Variants in EYS observed in about 807,000 individuals in gnomAD.
EYS encodes the protein protein eyes shut homolog.
Under a neutral mutation model 282.1 loss-of-function variants are expected in EYS, and 250 were observed. That is an observed-to-expected ratio of 0.89 (90% CI 0.80 to 0.98). The LOEUF is 0.98. EYS is among the 50% of genes least tolerant of loss of function. EYS has a pLI of 0.00. For synonymous variants in EYS, 1,355 were observed against 1,282.9 expected (o/e 1.06, Z -1.20); for missense variants, 4,016 against 3,709.0 (o/e 1.08, Z -2.15).
chr6:65,135,384 T>C (rs1775994530), intron 12 of EYS, among the ~76,000 whole-genome samples: 1 of 152,044 alleles, frequency 6.6e-6, no homozygotes, highest in Admixed American at 6.6e-5. Context: ...TTTTTTTCAT[T>C]CTACCTCTTA....
At chr6:65,179,118 TA>T (rs1765304840) in intron 12 of EYS, among the ~76,000 whole-genome samples, 1 of 152,028 alleles carries the variant, frequency 6.6e-6, no homozygotes, top group Admixed American at 6.6e-5. Flanking sequence ...AGGAAAGATC[TA>T]AAATTGACAC....
intron 1 of EYS, among the ~76,000 whole-genome samples, chr6:65,688,412 C>T (rs1769111131): frequency 6.6e-6 from 1 of 152,278 alleles, no homozygotes; most frequent in South Asian, 2.1e-4. Context: ...CCCTTCCTTA[C>T]ACCTTATACA....
intron 12 of EYS, among the ~76,000 whole-genome samples, chr6:65,156,089 GGGA>G (rs1376218237): frequency 6.6e-6 from 1 of 151,278 alleles, no homozygotes; most frequent in Non-Finnish European, 1.5e-5. Context: ...CAATGGTGAA[GGGA>G]GGAAGGAGAG....
intron 12 of EYS, chr6:65,295,621 C>T (rs1308596255): frequency 4.0e-6 from 2 of 497,834 alleles, no homozygotes; most frequent in Non-Finnish European, 7.1e-6. Flanking sequence ...ATTCCCAATG[C>T]TTCAGCCTGA....
chr6:64,973,925 G>A (rs1368783630), intron 14 of EYS, among the ~76,000 whole-genome samples: 1 of 151,770 alleles, frequency 6.6e-6, no homozygotes, highest in Non-Finnish European at 1.5e-5. Context: ...AAAATATACA[G>A]AAAGATAATT....
At chr6:64,341,250 A>G (rs1341237256) in intron 29 of EYS, among the ~76,000 whole-genome samples, 1 of 151,688 alleles carries the variant, frequency 6.6e-6, no homozygotes, top group Non-Finnish European at 1.5e-5. Flanking sequence ...GACACATTGA[A>G]TCATATGTTC....
At position 65,384,383 on chromosome 6, in the gene EYS, T is replaced by A; in HGVS notation, c.1299+3A>T. 6.5e-7 allele frequency: 1 copy of A among 1,544,916 alleles called. No homozygotes were observed. The highest frequency in any genetic ancestry group is 1.1e-5 in the South Asian group (1 of 89,672). On this transcript the variant is annotated splice_donor_region_variant and intron_variant, in intron 8 of 42. Transcript: ENST00000503581. ...TTATGTTGCCATGTATTAAATTACT[T>A]ACTTTGAATCTTCCAATTATATTGA...
At chr6:64,329,023 A>G (rs767494811) in intron 29 of EYS, among the ~76,000 whole-genome samples, 6 of 152,182 alleles carry the variant, frequency 3.9e-5, no homozygotes, top group Non-Finnish European at 8.8e-5. Flanking sequence ...CAGAAATCAG[A>G]CATGGATTTA....
intron 12 of EYS, among the ~76,000 whole-genome samples, chr6:65,057,975 T>C (rs1402962973): frequency 6.6e-6 from 1 of 152,110 alleles, no homozygotes; most frequent in African/African-American, 2.4e-5. Flanking sequence ...ATGCAAAGTC[T>C]CTTTAGATGT....
intron 36 of EYS, among the ~76,000 whole-genome samples, chr6:63,808,661 A>G (rs1358240320): frequency 6.6e-6 from 1 of 152,210 alleles, no homozygotes; most frequent in Non-Finnish European, 1.5e-5. Context: ...AATTTTTACT[A>G]TCAAAAATAA....
At chr6:65,250,451 A>T (rs1767292105) in intron 12 of EYS, among the ~76,000 whole-genome samples, 1 of 152,046 alleles carries the variant, frequency 6.6e-6, no homozygotes, top group South Asian at 2.1e-4. Context: ...CAAACCACTG[A>T]TCTTTTATGG....
chr6:64,963,833 C>T (rs1328732174), intron 14 of EYS, among the ~76,000 whole-genome samples: 1 of 152,244 alleles, frequency 6.6e-6, no homozygotes, highest in Non-Finnish European at 1.5e-5. Flanking sequence ...TAATAACATA[C>T]AGCACATATA....
intron 2 of EYS, among the ~76,000 whole-genome samples, chr6:65,552,930 G>A (rs1230229122): frequency 6.6e-6 from 1 of 151,976 alleles, no homozygotes; most frequent in Non-Finnish European, 1.5e-5. Context: ...CAAATATCGA[G>A]GAAATTGCAT....
intron 19 of EYS, among the ~76,000 whole-genome samples, chr6:64,830,038 G>A (rs1054888651): frequency 2.0e-5 from 3 of 151,808 alleles, no homozygotes; most frequent in Non-Finnish European, 2.9e-5. Context: ...TGTGTTCCCC[G>A]CAAATTCACA....
intron 37 of EYS, 80 bp from the exon 38 acceptor site, chr6:63,789,304 C>A: frequency 7.4e-7 from 1 of 1,359,360 alleles, no homozygotes; most frequent in South Asian, 1.3e-5. Flanking sequence ...CTGACTGGTT[C>A]TGAATTACAG....
intron 30 of EYS, among the ~76,000 whole-genome samples, chr6:64,235,782 C>G (rs892923502): frequency 1.3e-5 from 2 of 152,148 alleles, no homozygotes; most frequent in African/African-American, 2.4e-5. Context: ...GATTGCCATT[C>G]TAACTCTGAA....
chr6:63,897,814 T>A (rs1773570410), intron 35 of EYS, among the ~76,000 whole-genome samples: 1 of 152,192 alleles, frequency 6.6e-6, no homozygotes, highest in Non-Finnish European at 1.5e-5. Context: ...ACAGGTTGGT[T>A]ATGGCTTGCA....
intron 12 of EYS, among the ~76,000 whole-genome samples, chr6:65,144,604 A>C (rs909657478): frequency 5.3e-5 from 8 of 152,086 alleles, no homozygotes; most frequent in African/African-American, 1.9e-4. Context: ...AAACTTTTAC[A>C]AAAAACTCTT....
chr6:65,469,615 C>T (rs1765132800), intron 5 of EYS, among the ~76,000 whole-genome samples: 1 of 151,950 alleles, frequency 6.6e-6, no homozygotes, highest in Admixed American at 6.6e-5. Context: ...AATTATTCTT[C>T]TCTGTATTTT....
Sources: gnomAD v4.1 joint callset for allele counts (sites outside exome capture counted in the v4.1 genomes callset) on GRCh38, gnomAD v4.1.1 for gene constraint, MANE v1.5 for transcripts, NCBI Gene and HGNC (gene_info 2026-07-23, HGNC 2026-07-21) for gene names.